The following MKLN1 variants were observed in gnomAD, a reference collection of about 807,000 sequenced individuals.
MKLN1 encodes muskelin 1.
Under a neutral mutation model 99.0 loss-of-function variants are expected in MKLN1, and 18 were observed. The ratio of observed to expected loss-of-function variants is 0.18; its 90% confidence interval spans 0.13 to 0.27. The LOEUF is 0.27. Ranked by LOEUF, MKLN1 falls within the 10% of genes least tolerant of loss-of-function variation. The pLI, the probability that MKLN1 is intolerant of heterozygous loss-of-function variation, is 1.00. For synonymous variants in MKLN1, 288 were observed against 293.2 expected, an observed-to-expected ratio of 0.98 and a Z score of 0.18; for missense variants, 621 against 875.9, an observed-to-expected ratio of 0.71 and a Z score of 3.67.
intron 1 of MKLN1, among the ~76,000 whole-genome samples, chr7:131,346,294 A>G (rs1004901479): frequency 5.3e-5 from 8 of 152,162 alleles, no homozygotes; most frequent in African/African-American, 1.9e-4. Context: ...AGGCCAAGGC[A>G]GGTGGATCAC....
rs140493367 is a variant in MKLN1, at chr7:131,413,570, T to C, written c.782-1075T>C. Among the ~76,000 whole-genome samples, 528 of 152,212 alleles carry C rather than the reference T, an allele frequency of 3.5e-3. 2 individuals carry two copies. Among genetic ancestry groups the C allele is most frequent in the African/African-American group, 0.012 (503 of 41,554 alleles). On this transcript the variant is annotated intron_variant, in intron 7 of 17. Transcript: ENST00000352689. ...CTTTTTTTTTTTTGAGATGGAGTCT[T>C]ACTCTCGTTGCCCAGCCGGAGTGCA...
At chr7:131,112,230 A>G (rs1456707065) in intron 1 of MKLN1, among the ~76,000 whole-genome samples, 1 of 152,224 alleles carries the variant, frequency 6.6e-6, no homozygotes, top group Non-Finnish European at 1.5e-5. Context: ...TCTTCGTGGA[A>G]GCTTAAATGA....
rs551766158 is a variant in MKLN1, at chr7:131,333,737, C to T, written c.98+5740C>T. 8.5e-5 allele frequency among the ~76,000 whole-genome samples: 13 copies of T among 152,204 alleles called. No individual in the cohort carries two copies. In the South Asian group the frequency reaches 1.7e-3, roughly 19 times the overall value. ...ATTTTTAGTAGAGACGGGGTTTCTC[C>T]GTGTTGGTCAGGCTGGTCCCGAACT... On this transcript the variant is annotated intron_variant, in intron 1 of 17. Transcript: ENST00000352689.
rs991076909 is a variant in MKLN1, at chr7:131,415,752, C to A, written c.847+1042C>A. On this transcript the variant is annotated intron_variant, in intron 8 of 17. Coordinates refer to ENST00000352689, the MANE Select transcript of MKLN1 (RefSeq NM_013255.5). ...TCTGCCTGAGAGTATAATAAATATT[C>A]ATATGCTTATTTACTAAAGAGCTAG... Among the ~76,000 whole-genome samples the A allele has an allele frequency of 5.3e-5, 8 of 152,194 alleles. No individual in the cohort carries two copies. The East Asian group carries it at 1.5e-3, about 29-fold the overall frequency.
intron 2 of MKLN1, 127 bp from the exon 3 acceptor site, chr7:131,386,993 A>G: frequency 1.3e-6 from 1 of 799,362 alleles, no homozygotes; most frequent in East Asian, 2.9e-5. Context: ...GCTTTAAAAA[A>G]ATCTGCTAGT....
chr7:131,148,277 A>C (rs552076193), intron 2 of MKLN1, among the ~76,000 whole-genome samples: 3 of 152,146 alleles, frequency 2.0e-5, no homozygotes, highest in Non-Finnish European at 2.9e-5. Context: ...TACTCATAGG[A>C]ACTAGCCACC....
At chr7:131,437,709 T>C in intron 9 of MKLN1, 76 bp from the exon 10 acceptor site, 1 of 1,163,874 alleles carries the variant, frequency 8.6e-7, no homozygotes, top group Non-Finnish European at 1.2e-6. Context: ...TGACGTTTAA[T>C]TTTTCTATTA....
chr7:131,245,108 T>A (rs1563265304), intron 3 of MKLN1, among the ~76,000 whole-genome samples: 1 of 152,168 alleles, frequency 6.6e-6, no homozygotes, highest in Non-Finnish European at 1.5e-5. Context: ...AAACTCTAAA[T>A]TCACGGTCAA....
At chr7:131,179,249 G>A (rs1796344250) in intron 2 of MKLN1, among the ~76,000 whole-genome samples, 1 of 152,160 alleles carries the variant, frequency 6.6e-6, no homozygotes, top group Non-Finnish European at 1.5e-5. Flanking sequence ...CACATAGACT[G>A]CAACAAATAT....
intron 3 of MKLN1, among the ~76,000 whole-genome samples, chr7:131,322,586 C>T (rs1332957569): frequency 2.6e-5 from 3 of 115,172 alleles, no homozygotes; most frequent in South Asian, 2.8e-4. Context: ...TTTTTTGAGA[C>T]GGAGTCTCGC....
chr7:131,164,378 G>C (rs538276131), intron 2 of MKLN1, among the ~76,000 whole-genome samples: 2 of 152,174 alleles, frequency 1.3e-5, no homozygotes, highest in Non-Finnish European at 2.9e-5. Flanking sequence ...GCCTCCCAAA[G>C]TACTAGGATT....
At chr7:131,204,954 T>C (rs924481041) in intron 3 of MKLN1, among the ~76,000 whole-genome samples, 1 of 118,868 alleles carries the variant, frequency 8.4e-6, no homozygotes, top group Non-Finnish European at 1.8e-5. Flanking sequence ...AAAAATTAGC[T>C]GGGTGTGGTG....
At chr7:131,469,765 T>TA (rs1796766405) in intron 15 of MKLN1, among the ~76,000 whole-genome samples, 1 of 152,202 alleles carries the variant, frequency 6.6e-6, no homozygotes, top group Non-Finnish European at 1.5e-5. Flanking sequence ...TGTATGTAAT[T>TA]ATGGTATAAC....
At chr7:131,353,848 G>GCACTGTTT (rs1799791736) in intron 1 of MKLN1, among the ~76,000 whole-genome samples, 1 of 134,842 alleles carries the variant, frequency 7.4e-6, no homozygotes, top group Non-Finnish European at 1.6e-5. Flanking sequence ...AGTTGCTCTA[G>GCACTGTTT]CACTGTTTGT....
intron 3 of MKLN1, among the ~76,000 whole-genome samples, chr7:131,209,700 A>C (rs1796872299): frequency 6.6e-6 from 1 of 152,216 alleles, no homozygotes; most frequent in Non-Finnish European, 1.5e-5. Context: ...TCAAGTGATG[A>C]ATTATGATTG....
At chr7:131,143,332 T>C (rs1227735145) in intron 2 of MKLN1, among the ~76,000 whole-genome samples, 1 of 152,108 alleles carries the variant, frequency 6.6e-6, no homozygotes, top group Non-Finnish European at 1.5e-5. Context: ...CTGGGCATGG[T>C]GGCAGGTGCC....
chr7:131,422,585 CTAGAGTAAAACTTCAT>C (rs1795238798), intron 8 of MKLN1, among the ~76,000 whole-genome samples: 1 of 152,138 alleles, frequency 6.6e-6, no homozygotes, highest in South Asian at 2.1e-4. Flanking sequence ...AACACCTTCA[CTAGAGTAAAACTTCAT>C]AAAGTTAATT....
intron 1 of MKLN1, among the ~76,000 whole-genome samples, chr7:131,131,193 T>TTAAATAAATAAATAAATAAATAAA (rs56293710): frequency 7.3e-6 from 1 of 136,130 alleles, no homozygotes; most frequent in East Asian, 2.1e-4. Context: ...TCACCTCTAC[T>TTAAATAAATAAATAAATAAATAAA]TAAATAAATA....
At chr7:131,343,316 A>T (rs575424470) in intron 1 of MKLN1, among the ~76,000 whole-genome samples, 2 of 152,086 alleles carry the variant, frequency 1.3e-5, no homozygotes, top group South Asian at 2.1e-4. Context: ...TATACAAGAC[A>T]CTTAATGGGC....
Sources: gnomAD v4.1 joint callset for allele counts (sites outside exome capture counted in the v4.1 genomes callset) on GRCh38, gnomAD v4.1.1 for gene constraint, MANE v1.5 for transcripts, NCBI Gene and HGNC (gene_info 2026-07-23, HGNC 2026-07-21) for gene names.